PRELID2: variants seen among roughly 807,000 people sequenced by gnomAD.
PRELID2 encodes the protein PRELI domain containing 2.
In PRELID2, 25 loss-of-function variants were observed where a neutral mutation model predicts 28.4. The observed-to-expected ratio is 0.88, with a 90% CI of 0.64 to 1.23. PRELID2 has a LOEUF of 1.23. Ranked by LOEUF, PRELID2 falls within the 50% of genes most tolerant of loss-of-function variation. The pLI is 0.00. For synonymous variants in PRELID2, 76 were observed against 71.6 expected (o/e 1.06, Z -0.31); for missense variants, 201 against 214.4 (o/e 0.94, Z 0.39).
chr5:145,301,531 A>G, the PRELID2 span, among the ~76,000 whole-genome samples: 1 of 152,084 alleles, frequency 6.6e-6, no homozygotes, highest in Admixed American at 6.6e-5. Context: ...TCAGGTTTTT[A>G]TTCTTTTATG....
intron 1 of PRELID2, among the ~76,000 whole-genome samples, chr5:145,680,385 G>A (rs1456844587): frequency 6.6e-6 from 1 of 152,248 alleles, no homozygotes; most frequent in Admixed American, 6.5e-5. Flanking sequence ...AATAATAAGG[G>A]CCTTTCTCTA....
intron 1 of PRELID2, among the ~76,000 whole-genome samples, chr5:145,643,885 C>G (rs1301692257): frequency 1.3e-5 from 2 of 152,060 alleles, no homozygotes; most frequent in African/African-American, 4.8e-5. Flanking sequence ...GGTGGATAAG[C>G]TTTTTGATGT....
intron 5 of PRELID2, among the ~76,000 whole-genome samples, chr5:145,772,691 C>A (rs898320339): frequency 6.6e-6 from 1 of 152,304 alleles, no homozygotes; most frequent in Middle Eastern, 3.4e-3. Context: ...AACACTGTTG[C>A]ACCAAGGATT....
At chr5:145,330,646 T>C in the PRELID2 span, among the ~76,000 whole-genome samples, 2 of 152,214 alleles carry the variant, frequency 1.3e-5, no homozygotes, top group African/African-American at 4.8e-5. Flanking sequence ...TTATTTTGTC[T>C]ATTTGATTCT....
At chr5:145,544,389 A>C (rs1374927896) in intron 1 of PRELID2, among the ~76,000 whole-genome samples, 4 of 152,146 alleles carry the variant, frequency 2.6e-5, no homozygotes, top group Non-Finnish European at 5.9e-5. Flanking sequence ...TTTTGCATAC[A>C]TTTGTATGGC....
chr5:145,414,056 C>T, the PRELID2 span, among the ~76,000 whole-genome samples: 1 of 152,014 alleles, frequency 6.6e-6, no homozygotes, highest in African/African-American at 2.4e-5. Context: ...TAGAATTAAG[C>T]CTCTTATTTC....
chr5:145,412,058 T>C, the PRELID2 span, among the ~76,000 whole-genome samples: 1 of 152,168 alleles, frequency 6.6e-6, no homozygotes, highest in Non-Finnish European at 1.5e-5. Context: ...TTTTCTCTCC[T>C]AGGCTAGGCT....
chr5:145,500,925 C>A (rs1752354356), intron 1 of PRELID2, among the ~76,000 whole-genome samples: 1 of 152,096 alleles, frequency 6.6e-6, no homozygotes, highest in Non-Finnish European at 1.5e-5. Flanking sequence ...TCCGGGTGAC[C>A]AAGCATAGAT....
At chr5:145,523,670 C>T (rs1752582722) in intron 1 of PRELID2, among the ~76,000 whole-genome samples, 1 of 152,032 alleles carries the variant, frequency 6.6e-6, no homozygotes, top group Non-Finnish European at 1.5e-5. Flanking sequence ...GCTATGGTCT[C>T]CTTTAACCTT....
intron 1 of PRELID2, among the ~76,000 whole-genome samples, chr5:145,500,513 C>G (rs553336302): frequency 6.6e-6 from 1 of 152,216 alleles, no homozygotes; most frequent in African/African-American, 2.4e-5. Context: ...GCCTAGTCAA[C>G]TTTCTGAGCT....
At chr5:145,656,597 T>C (rs1754400265) in intron 1 of PRELID2, among the ~76,000 whole-genome samples, 1 of 152,014 alleles carries the variant, frequency 6.6e-6, no homozygotes, top group Admixed American at 6.6e-5. Flanking sequence ...TTCATGTCCT[T>C]TGTAGAGACA....
chr5:145,784,222 T>C (rs1269332228), intron 5 of PRELID2, among the ~76,000 whole-genome samples: 1 of 143,458 alleles, frequency 7.0e-6, no homozygotes, highest in East Asian at 2.0e-4. Flanking sequence ...AGGCAGAGGT[T>C]GTGGTGAGCT....
chr5:145,753,615 T>C (rs1757182431), downstream of PRELID2, among the ~76,000 whole-genome samples: 1 of 152,172 alleles, frequency 6.6e-6, no homozygotes, highest in Admixed American at 6.5e-5. Context: ...TCATGACTTC[T>C]GGCTTTGGTA....
intron 4 of PRELID2, among the ~76,000 whole-genome samples, chr5:145,810,433 T>C (rs1042219044): frequency 1.3e-5 from 2 of 152,184 alleles, no homozygotes; most frequent in East Asian, 1.9e-4. Context: ...ATTGCTTGCA[T>C]TGACCCTGAA....
At chr5:145,344,138 T>C in the PRELID2 span, among the ~76,000 whole-genome samples, 2 of 152,022 alleles carry the variant, frequency 1.3e-5, no homozygotes, top group Non-Finnish European at 2.9e-5. Flanking sequence ...CAGGAAAGTG[T>C]TCTCTTTCAC....
chr5:145,729,188 G>A, intron 1 of PRELID2: 1 of 700,180 alleles, frequency 1.4e-6, no homozygotes, highest in Admixed American at 2.0e-5. Context: ...TTGTATCAGT[G>A]ATGCTCTGGG....
At chr5:145,266,576 T>C in the PRELID2 span, among the ~76,000 whole-genome samples, 2 of 152,132 alleles carry the variant, frequency 1.3e-5, no homozygotes, top group East Asian at 3.9e-4. Flanking sequence ...AGAGAACACT[T>C]TTACACTGTT....
intron 1 of PRELID2, among the ~76,000 whole-genome samples, chr5:145,571,419 A>C (rs1753013977): frequency 6.6e-6 from 1 of 152,184 alleles, no homozygotes; most frequent in South Asian, 2.1e-4. Flanking sequence ...CAGAGACCTT[A>C]AGACTTTTTG....
intron 1 of PRELID2, among the ~76,000 whole-genome samples, chr5:145,725,646 G>T (rs1033885022): frequency 3.3e-5 from 5 of 152,174 alleles, no homozygotes; most frequent in African/African-American, 1.2e-4. Context: ...GGACATCAGT[G>T]TAGGGAGGGT....
Sources: gnomAD v4.1 joint callset for allele counts (sites outside exome capture counted in the v4.1 genomes callset) on GRCh38, gnomAD v4.1.1 for gene constraint, MANE v1.5 for transcripts, NCBI Gene and HGNC (gene_info 2026-07-23, HGNC 2026-07-21) for gene names.